Variants in INO80 observed in about 807,000 individuals in gnomAD.
INO80 encodes chromatin-remodeling ATPase INO80.
INO80 carries 20 observed loss-of-function variants against 203.4 expected under a neutral mutation model. That is an observed-to-expected ratio of 0.10 (90% confidence interval 0.07 to 0.14). INO80 has a LOEUF of 0.14. Ranked by LOEUF, INO80 falls within the 10% of genes least tolerant of loss-of-function variation. The pLI is 1.00. For synonymous variants in INO80, 726 were observed against 685.2 expected, an observed-to-expected ratio of 1.06 and a Z score of -0.93; for missense variants, 1,419 against 1,914.4, an observed-to-expected ratio of 0.74 and a Z score of 4.83.
At chr15:41,052,858 A>AG (rs2044905441) in intron 19 of INO80, among the ~76,000 whole-genome samples, 1 of 32,414 alleles carries the variant, frequency 3.1e-5, no homozygotes, top group Non-Finnish European at 5.6e-5. Context: ...TGGTCGCTAC[A>AG]AAAAAAAAAA....
At chr15:41,099,263 AAAAAC>A (rs2045770860) in intron 1 of INO80, among the ~76,000 whole-genome samples, 2 of 128,370 alleles carry the variant, frequency 1.6e-5, no homozygotes, top group African/African-American at 5.9e-5. Context: ...AAAAAAAAAA[AAAAAC>A]AAACACACAC....
Position 40,980,160 on chromosome 15 carries a change from G to A in INO80, c.*63C>T, listed in dbSNP as rs1284774249. The A allele has an allele frequency of 7.4e-7, 1 of 1,350,304 alleles. No homozygotes were observed. Among genetic ancestry groups the A allele is most frequent in the East Asian group, 2.3e-5 (1 of 43,564 alleles). 83.6% of individuals were successfully genotyped at this position (1,350,304 alleles called of 1,614,324 possible). On this transcript the variant is annotated 3_prime_UTR_variant, in exon 36 of 36. Transcript: ENST00000648947. ...TGCTGCACGGGGCAAGCCATCCAAA[G>A]ACCACTGGCAGGTCAGGACTCTAGC...
chr15:41,108,304 G>C (rs897147917), intron 1 of INO80, among the ~76,000 whole-genome samples: 4 of 150,580 alleles, frequency 2.7e-5, no homozygotes, highest in African/African-American at 9.8e-5. Context: ...AAAAGCCACA[G>C]ATAGGCCGGG....
chr15:41,020,012 G>T (rs962019604), intron 26 of INO80, among the ~76,000 whole-genome samples: 3 of 152,132 alleles, frequency 2.0e-5, no homozygotes, highest in African/African-American at 7.2e-5. Flanking sequence ...ACGAGGTCAG[G>T]AGATCGAGAC....
At position 41,059,945 on chromosome 15, in the gene INO80, T is replaced by G; in HGVS notation, c.1783-19A>C. 1 of 1,499,524 alleles carries G rather than the reference T, an allele frequency of 6.7e-7. No homozygotes were observed. Among genetic ancestry groups the G allele is most frequent in the Middle Eastern group, 1.7e-4 (1 of 5,808 alleles). The allele number at this position is 1,499,524 out of a possible 1,614,324, so 92.9% of individuals were successfully genotyped here. A position where few individuals can be genotyped will look rare whatever the true frequency, so the allele number is the denominator to read the frequency against. On this transcript the variant is annotated intron_variant, in intron 14 of 35. Coordinates refer to ENST00000648947, the MANE Select transcript of INO80 (RefSeq NM_017553.3). ...GTAGCACCTAGAAAAAGGGCCAATA[T>G]ATACATTACTTTCTATAGATGATCT... is the stretch of plus-strand genomic sequence containing the variant.
chr15:40,992,940 G>A (rs1378521121), intron 29 of INO80, among the ~76,000 whole-genome samples: 1 of 152,274 alleles, frequency 6.6e-6, no homozygotes, highest in East Asian at 1.9e-4. Context: ...TCACAGGCAT[G>A]TGCCACCACG....
intron 7 of INO80, among the ~76,000 whole-genome samples, chr15:41,083,313 A>G (rs1439529290): frequency 1.3e-5 from 2 of 151,640 alleles, no homozygotes; most frequent in East Asian, 3.9e-4. Context: ...AGCATCAACT[A>G]TGTCTCCAGA....
chr15:41,082,525 TC>T (rs2045501049), intron 7 of INO80, among the ~76,000 whole-genome samples: 1 of 151,704 alleles, frequency 6.6e-6, no homozygotes, highest in Non-Finnish European at 1.5e-5. Flanking sequence ...ACATGGTGAA[TC>T]CCCGTCTCTA....
intron 14 of INO80, among the ~76,000 whole-genome samples, chr15:41,065,066 T>A (rs974781188): frequency 6.6e-6 from 1 of 152,166 alleles, no homozygotes; most frequent in African/African-American, 2.4e-5. Flanking sequence ...CAACTTTGTA[T>A]GTCACATTCT....
At chr15:41,111,782 T>C (rs1401128666) in intron 1 of INO80, among the ~76,000 whole-genome samples, 3 of 149,226 alleles carry the variant, frequency 2.0e-5, no homozygotes, top group Non-Finnish European at 4.4e-5. Flanking sequence ...CAGCCTGGGC[T>C]ACAAGAGCAA....
chr15:41,023,784 C>CAA (rs1203941986), intron 25 of INO80, among the ~76,000 whole-genome samples: 3 of 123,778 alleles, frequency 2.4e-5, no homozygotes, highest in Admixed American at 9.0e-5. Context: ...AAAAAAAAAA[C>CAA]AAAACAAAAC....
At chr15:40,996,488 T>C (rs2043883121) in intron 29 of INO80, among the ~76,000 whole-genome samples, 1 of 149,482 alleles carries the variant, frequency 6.7e-6, no homozygotes, top group African/African-American at 2.5e-5. Context: ...CGCCCGGCTA[T>C]TTTTTTTGTT....
intron 15 of INO80, among the ~76,000 whole-genome samples, chr15:41,059,485 C>T (rs774385204): frequency 6.7e-6 from 1 of 150,080 alleles, no homozygotes; most frequent in Non-Finnish European, 1.5e-5. Context: ...ATTAGCCGGG[C>T]ATGGTGTAGC....
rs2045143498 is a variant in INO80 at position 41,063,141 on chromosome 15, AGCCT to A, written c.1783-3219_1783-3216del. Among the ~76,000 whole-genome samples the A allele has an allele frequency of 2.0e-5, 3 of 152,258 alleles. No individual in the cohort carries two copies. The South Asian group carries it at 6.2e-4, about 32-fold the overall frequency. On this transcript the variant is annotated intron_variant, in intron 14 of 35. Coordinates refer to ENST00000648947, the MANE Select transcript of INO80 (RefSeq NM_017553.3). ...TACCTGAGGTCAGGAGTCCAAGACC[AGCCT>A]GGCCAACATGGTGAAACCCCATCTC...
chr15:41,027,369 AGCT>A (rs2044391260), intron 25 of INO80, among the ~76,000 whole-genome samples: 1 of 152,238 alleles, frequency 6.6e-6, no homozygotes, highest in South Asian at 2.1e-4. Context: ...AATAAAAAGA[AGCT>A]ATCGACCATA....
At chr15:41,080,825 C>T (rs1318489018) in intron 8 of INO80, among the ~76,000 whole-genome samples, 195 bp downstream of exon 8, 2 of 152,050 alleles carry the variant, frequency 1.3e-5, no homozygotes, top group East Asian at 3.9e-4. Flanking sequence ...TGCACTCCAG[C>T]CTGGGTGGCT....
At chr15:41,025,812 T>G (rs887886879) in intron 25 of INO80, among the ~76,000 whole-genome samples, 19 of 152,222 alleles carry the variant, frequency 1.2e-4, no homozygotes, top group Admixed American at 1.2e-3. Context: ...AATCTAAACT[T>G]CCTTTTATTA....
At position 40,984,071 on chromosome 15, in the gene INO80, T is replaced by C. The variant is rs949339883; in HGVS notation, c.4077+126A>G. On this transcript the variant is annotated intron_variant, in intron 33 of 35. Coordinates refer to ENST00000648947, the MANE Select transcript of INO80 (RefSeq NM_017553.3). ...TTTGTTTTTCTCCTTACAGACCTCA[T>C]GTGCAACCTACTTCAACAAGGCTGG... 6.8e-6 allele frequency: 9 copies of C among 1,332,468 alleles called. No homozygotes were observed. In the East Asian group the frequency reaches 7.2e-5, roughly 11 times the overall value. 82.5% of individuals were successfully genotyped at this position (1,332,468 alleles called of 1,614,324 possible). A position where few individuals can be genotyped will look rare whatever the true frequency, so the allele number is the denominator to read the frequency against.
chr15:41,075,765 A>AT (rs2045393491), intron 9 of INO80, among the ~76,000 whole-genome samples: 2 of 151,450 alleles, frequency 1.3e-5, no homozygotes, highest in South Asian at 2.1e-4. Flanking sequence ...GTATTGTTGT[A>AT]TTTTTTTAGT....
Sources: gnomAD v4.1 joint callset for allele counts (sites outside exome capture counted in the v4.1 genomes callset) on GRCh38, gnomAD v4.1.1 for gene constraint, MANE v1.5 for transcripts, NCBI Gene and HGNC (gene_info 2026-07-23, HGNC 2026-07-21) for gene names.